The following TMEM178B variants were observed in gnomAD, a reference collection of about 807,000 sequenced individuals.
TMEM178B encodes transmembrane protein 178B.
Under a neutral mutation model 31.0 loss-of-function variants are expected in TMEM178B, and 5 were observed. The observed-to-expected ratio is 0.16, with a 90% confidence interval of 0.08 to 0.34. The LOEUF (loss-of-function observed/expected upper bound fraction) is 0.34. Among genes scored for constraint, TMEM178B ranks in the 10% least tolerant of loss-of-function variants. TMEM178B has a pLI of 1.00. For synonymous variants in TMEM178B, 164 were observed against 164.0 expected (o/e 1.00, Z 0.00); for missense variants, 275 against 400.3 (o/e 0.69, Z 2.67).
intron 1 of TMEM178B, among the ~76,000 whole-genome samples, chr7:141,190,289 A>T (rs1796676048): frequency 1.3e-5 from 2 of 152,124 alleles, no homozygotes; most frequent in Non-Finnish European, 2.9e-5. Context: ...ATTTTATAAC[A>T]AAGTGTTGGA....
intron 2 of TMEM178B, among the ~76,000 whole-genome samples, chr7:141,268,881 G>A (rs1039526730): frequency 6.6e-6 from 1 of 152,186 alleles, no homozygotes; most frequent in Admixed American, 6.5e-5. Flanking sequence ...AATAACACCT[G>A]CCTATCATGA....
chr7:141,197,482 C>T (rs1796802284), intron 1 of TMEM178B, among the ~76,000 whole-genome samples: 1 of 152,126 alleles, frequency 6.6e-6, no homozygotes, highest in Admixed American at 6.5e-5. Context: ...GATAAGTTAA[C>T]CCTTTAATTA....
At chr7:141,373,655 C>G (rs573360106) in intron 2 of TMEM178B, among the ~76,000 whole-genome samples, 23 of 152,284 alleles carry the variant, frequency 1.5e-4, no homozygotes, top group African/African-American at 5.5e-4. Context: ...CTCCACCCCC[C>G]CAACACACAT....
chr7:141,306,952 A>G (rs1418352558), intron 2 of TMEM178B, among the ~76,000 whole-genome samples: 1 of 152,204 alleles, frequency 6.6e-6, no homozygotes, highest in Non-Finnish European at 1.5e-5. Flanking sequence ...ACTTAATTAT[A>G]TCACCATATA....
intron 2 of TMEM178B, among the ~76,000 whole-genome samples, chr7:141,228,557 T>G (rs2129191038): frequency 6.6e-6 from 1 of 152,256 alleles, no homozygotes; most frequent in South Asian, 2.1e-4. Flanking sequence ...AGGTTGAGCT[T>G]ATTAAAATTA....
chr7:141,494,137 A>G, the TMEM178B span, among the ~76,000 whole-genome samples: 1 of 152,242 alleles, frequency 6.6e-6, no homozygotes, highest in Admixed American at 6.5e-5. Context: ...TTAAAATGAA[A>G]GTAGCTTCTA....
intron 3 of TMEM178B, among the ~76,000 whole-genome samples, chr7:141,451,015 T>C (rs904183370): frequency 6.6e-6 from 1 of 152,156 alleles, no homozygotes; most frequent in African/African-American, 2.4e-5. Flanking sequence ...AACACAGGCT[T>C]ACTCACATGC....
At chr7:141,229,022 T>G (rs888999000) in intron 2 of TMEM178B, among the ~76,000 whole-genome samples, 2 of 150,734 alleles carry the variant, frequency 1.3e-5, no homozygotes, top group African/African-American at 4.9e-5. Context: ...TCTTTTTTTT[T>G]TTTTTTTTTT....
At chr7:141,082,429 A>G (rs1281458359) in intron 1 of TMEM178B, among the ~76,000 whole-genome samples, 1 of 152,224 alleles carries the variant, frequency 6.6e-6, no homozygotes, top group Admixed American at 6.5e-5. Flanking sequence ...TGATTAAAAA[A>G]CTTAAGACAT....
Position 141,478,932 on chromosome 7 carries a change from T to G in TMEM178B, c.*8146T>G, listed in dbSNP as rs1399490635. On this transcript the variant is annotated 3_prime_UTR_variant, in exon 4 of 4. Transcript: ENST00000565468. ...TGAGTCTTATTATGTTGGCCTAGAG[T>G]AGAAAGCACAGAGCTATGTCGAGGC... 1 of 151,958 alleles carries G rather than the reference T, an allele frequency of 6.6e-6. No individual in the cohort carries two copies. Among genetic ancestry groups the G allele is most frequent in the Non-Finnish European group, 1.5e-5 (1 of 68,020 alleles). 9.4% of individuals were successfully genotyped at this position (151,958 alleles called of 1,614,324 possible).
At chr7:141,469,672 T>C (rs767884076) in intron 3 of TMEM178B, among the ~76,000 whole-genome samples, 1 of 152,120 alleles carries the variant, frequency 6.6e-6, no homozygotes, top group Non-Finnish European at 1.5e-5. Context: ...CAGAGAAAAG[T>C]TATTGAATTC....
At chr7:141,500,211 AT>A in the TMEM178B span, among the ~76,000 whole-genome samples, 1 of 152,182 alleles carries the variant, frequency 6.6e-6, no homozygotes, top group Non-Finnish European at 1.5e-5. Context: ...GTCCCTGGAA[AT>A]TCAGGGATAC....
At chr7:141,225,292 A>G (rs1357683198) in intron 2 of TMEM178B, among the ~76,000 whole-genome samples, 1 of 151,956 alleles carries the variant, frequency 6.6e-6, no homozygotes, top group Admixed American at 6.6e-5. Context: ...CTCCCCCACC[A>G]TAGGCTCTAT....
chr7:141,478,981 C>T lies in TMEM178B; in HGVS notation c.*8195C>T, dbSNP rs1195364903. ...GCTGCTGTCTCAGCCTCTGGAAGTTCTGCTTCACCTGCTTAGTAAGAGGAG... is the reference window on the plus strand; with the variant it reads ...GCTGCTGTCTCAGCCTCTGGAAGTTTTGCTTCACCTGCTTAGTAAGAGGAG... On this transcript the variant is annotated 3_prime_UTR_variant, in exon 4 of 4. Coordinates refer to ENST00000565468, the MANE Select transcript of TMEM178B (RefSeq NM_001195278.2). 1 of 152,228 alleles carries T rather than the reference C, an allele frequency of 6.6e-6. No homozygotes were observed. Among genetic ancestry groups the T allele is most frequent in the Non-Finnish European group, 1.5e-5 (1 of 68,070 alleles). The allele number at this position is 152,228 out of a possible 1,614,324, so 9.4% of individuals were successfully genotyped here.
chr7:141,239,337 T>TGGTCAGA (rs1797580008), intron 2 of TMEM178B, among the ~76,000 whole-genome samples: 1 of 152,042 alleles, frequency 6.6e-6, no homozygotes, highest in African/African-American at 2.4e-5. Flanking sequence ...GGAGCGGGAC[T>TGGTCAGA]GGTCAGAGGG....
intron 3 of TMEM178B, 99 bp downstream of exon 3, chr7:141,437,844 C>T (rs1030348652): frequency 2.4e-5 from 35 of 1,464,098 alleles, no homozygotes; most frequent in African/African-American, 7.0e-5. Context: ...GGGACCATGA[C>T]GTGACTGGGG....
chr7:141,169,797 A>G (rs1796319931), intron 1 of TMEM178B, among the ~76,000 whole-genome samples: 1 of 152,252 alleles, frequency 6.6e-6, no homozygotes, highest in South Asian at 2.1e-4. Context: ...AGACTTTTAT[A>G]TTATATGCCA....
intron 2 of TMEM178B, among the ~76,000 whole-genome samples, chr7:141,269,600 C>A (rs996791899): frequency 1.3e-5 from 2 of 152,076 alleles, no homozygotes; most frequent in South Asian, 4.2e-4. Context: ...TTATTTTTAT[C>A]TTTTAATCTT....
intron 1 of TMEM178B, among the ~76,000 whole-genome samples, chr7:141,205,084 C>G (rs1256304286): frequency 1.3e-5 from 2 of 152,166 alleles, no homozygotes; most frequent in South Asian, 2.1e-4. Context: ...CTTTGGCCTC[C>G]CAAAGTCCTG....
Sources: allele counts gnomAD v4.1 joint callset (sites outside exome capture counted in the v4.1 genomes callset), GRCh38; gene constraint gnomAD v4.1.1; transcripts MANE v1.5; gene names NCBI Gene and HGNC (gene_info 2026-07-23, HGNC 2026-07-21).